Variants in SAMD8 observed in about 807,000 individuals in gnomAD.
The protein encoded by SAMD8 is sterile alpha motif domain containing 8.
SAMD8 carries 20 observed loss-of-function variants against 42.0 expected under a neutral mutation model. That is an observed-to-expected ratio of 0.48 (90% CI 0.34 to 0.69). The LOEUF (loss-of-function observed/expected upper bound fraction) is 0.69. Among genes scored for constraint, SAMD8 ranks in the 30% least tolerant of loss-of-function variants. The pLI, the probability that SAMD8 is intolerant of heterozygous loss-of-function variation, is 0.01. For synonymous variants in SAMD8, 162 were observed against 173.0 expected (o/e 0.94, Z 0.50); for missense variants, 328 against 511.6 (o/e 0.64, Z 3.46).
chr10:75,132,426 TC>T (rs1849293367), intron 1 of SAMD8, among the ~76,000 whole-genome samples: 1 of 152,166 alleles, frequency 6.6e-6, no homozygotes, highest in Non-Finnish European at 1.5e-5. Flanking sequence ...GCTTTTAGTC[TC>T]TCTTGGTTTG....
At chr10:75,159,407 T>C (rs1056823622) in intron 2 of SAMD8, among the ~76,000 whole-genome samples, 3 of 152,138 alleles carry the variant, frequency 2.0e-5, no homozygotes, top group African/African-American at 7.2e-5. Flanking sequence ...AAATTTTGCC[T>C]AATTCTTTTT....
Position 75,176,354 on chromosome 10 carries a change from T to C in SAMD8, c.944-34T>C. On this transcript the variant is annotated intron_variant, in intron 5 of 5. Transcript: ENST00000542569. The surrounding 1 kb of genome is among the most constrained non-coding windows in gnomAD (Gnocchi z 4.3). ...TGACTGAGAAGCATTGGAAGGAATG[T>C]AGCTTTAAAATGATCTTTCTGTCCT... 1 of 1,582,034 alleles carries C rather than the reference T, an allele frequency of 6.3e-7. No individual in the cohort carries two copies. Among genetic ancestry groups the C allele is most frequent in the Non-Finnish European group, 8.6e-7 (1 of 1,164,928 alleles).
chr10:75,111,850 GT>G, intron 1 of SAMD8, 128 bp downstream of exon 1: 4 of 1,122,446 alleles, frequency 3.6e-6, no homozygotes, highest in East Asian at 3.2e-5. Flanking sequence ...CGGGGAGACG[GT>G]TGAGGGAACC....
At chr10:75,116,158 G>GGCGC (rs1438485128) in intron 1 of SAMD8, among the ~76,000 whole-genome samples, 1 of 151,790 alleles carries the variant, frequency 6.6e-6, no homozygotes, top group Non-Finnish European at 1.5e-5. Flanking sequence ...GGAATACAGT[G>GGCGC]GCGCGATCAT....
intron 1 of SAMD8, among the ~76,000 whole-genome samples, chr10:75,102,908 C>T (rs1041561790): frequency 6.6e-5 from 10 of 152,112 alleles, no homozygotes; most frequent in African/African-American, 2.4e-4. Context: ...GCTGAGATCA[C>T]GCCATTGCAC....
At chr10:75,109,068 T>G, upstream of SAMD8, 1 of 1,612,476 alleles carries the variant, frequency 6.2e-7, no homozygotes, top group Non-Finnish European at 8.5e-7. Flanking sequence ...AAGACTTCCC[T>G]GCCCGCAGGA....
At chr10:75,108,504 C>G (rs1165025595), upstream of SAMD8, among the ~76,000 whole-genome samples, 1 of 152,194 alleles carries the variant, frequency 6.6e-6, no homozygotes, top group Non-Finnish European at 1.5e-5. Flanking sequence ...GCCCTGGAAC[C>G]TGGCTGCCCC....
intron 2 of SAMD8, among the ~76,000 whole-genome samples, chr10:75,155,186 C>A (rs566405267): frequency 1.6e-4 from 24 of 152,264 alleles, no homozygotes; most frequent in South Asian, 1.2e-3. Context: ...GCTACCACCC[C>A]CCAGCCTATT....
chr10:75,174,188 G>A (rs1324237724), intron 4 of SAMD8, among the ~76,000 whole-genome samples: 1 of 152,100 alleles, frequency 6.6e-6, no homozygotes, highest in Non-Finnish European at 1.5e-5. Context: ...AGAGTGCAGT[G>A]GCGCGATCTC....
intron 1 of SAMD8, among the ~76,000 whole-genome samples, chr10:75,100,671 G>A (rs936703297): frequency 1.3e-5 from 2 of 152,026 alleles, no homozygotes; most frequent in Admixed American, 6.5e-5. Flanking sequence ...GCTCCTCCTC[G>A]CCCCCTTCCT....
At chr10:75,169,169 CAAAAAA>C (rs1023080854) in intron 4 of SAMD8, among the ~76,000 whole-genome samples, 2 of 30,240 alleles carry the variant, frequency 6.6e-5, no homozygotes, top group African/African-American at 1.4e-4. Flanking sequence ...GACTCCATCT[CAAAAAA>C]AAAAAAAAAA....
chr10:75,132,037 T>C (rs977834080), intron 1 of SAMD8, among the ~76,000 whole-genome samples: 3 of 152,206 alleles, frequency 2.0e-5, no homozygotes, highest in Non-Finnish European at 4.4e-5. Flanking sequence ...TGAAAACCTT[T>C]GTATATGTAG....
chr10:75,134,175 C>T (rs1849332934), intron 1 of SAMD8, among the ~76,000 whole-genome samples: 2 of 152,074 alleles, frequency 1.3e-5, no homozygotes, highest in African/African-American at 4.8e-5. Context: ...ACACACTGGG[C>T]CTGTCAGTGG....
At position 75,181,384 on chromosome 10, in the gene SAMD8, A is replaced by C. The variant is rs1002533669; in HGVS notation, c.*4692A>C. The C allele has an allele frequency of 2.0e-5, 3 of 152,218 alleles. No homozygotes were observed. The highest frequency in any genetic ancestry group is 7.2e-5 in the African/African-American group (3 of 41,448). The allele number at this position is 152,218 out of a possible 1,614,324, so 9.4% of individuals were successfully genotyped here. On this transcript the variant is annotated 3_prime_UTR_variant, in exon 6 of 6. Coordinates refer to ENST00000542569, the MANE Select transcript of SAMD8 (RefSeq NM_001174156.2). ...TTTCCCTGTCTTTGAGTAACTTTGA[A>C]TGACTAAAATTAGTATGAAACTAGG...
In SAMD8 at chr10:75,168,526, GT is replaced by G. The variant is rs772996002; in HGVS notation, c.675-13del. ...TTCTTCTGATCTTTCCCCCTTTTTG[GT>G]TGATCTGTTACAGGTCAATACTTCT... On this transcript the variant is annotated splice_polypyrimidine_tract_variant and intron_variant, in intron 3 of 5. Transcript: ENST00000542569. 1.5e-5 allele frequency: 24 copies of G among 1,603,878 alleles called. No individual in the cohort carries two copies. The highest frequency in any genetic ancestry group is 2.0e-5 in the Non-Finnish European group (23 of 1,173,372).
upstream of SAMD8, chr10:75,111,398 C>A: frequency 1.3e-6 from 1 of 754,648 alleles, no homozygotes. Flanking sequence ...GTTCTCCTCT[C>A]GGGCCCATCT....
At chr10:75,109,586 A>C (rs1848713798), upstream of SAMD8, among the ~76,000 whole-genome samples, 1 of 152,100 alleles carries the variant, frequency 6.6e-6, no homozygotes, top group Non-Finnish European at 1.5e-5. Context: ...GGTGCAGAGG[A>C]GGTGGCTGGT....
At chr10:75,116,628 G>C (rs1848887065) in intron 1 of SAMD8, among the ~76,000 whole-genome samples, 1 of 152,138 alleles carries the variant, frequency 6.6e-6, no homozygotes, top group Non-Finnish European at 1.5e-5. Flanking sequence ...TTGGAACTTT[G>C]AGATTAAATG....
intron 1 of SAMD8, among the ~76,000 whole-genome samples, chr10:75,112,965 G>C (rs1848807388): frequency 6.6e-6 from 1 of 152,194 alleles, no homozygotes. Flanking sequence ...ATAACCCCAG[G>C]ATTGGACTTA....
Sources: gnomAD v4.1 joint callset for allele counts (sites outside exome capture counted in the v4.1 genomes callset) on GRCh38, gnomAD v4.1.1 for gene constraint, Gnocchi (gnomAD v3.1) non-coding constraint, MANE v1.5 for transcripts, NCBI Gene and HGNC (gene_info 2026-07-23, HGNC 2026-07-21) for gene names.